The following MRPL47 variants were observed in gnomAD, a reference collection of about 807,000 sequenced individuals.
MRPL47 encodes the protein mitochondrial ribosomal protein L47.
In MRPL47, 31 loss-of-function variants were observed where a neutral mutation model predicts 34.0. The ratio of observed to expected loss-of-function variants is 0.91; its 90% CI spans 0.68 to 1.23. The LOEUF is 1.23. Among genes scored for constraint, MRPL47 ranks in the 50% most tolerant of loss-of-function variants. MRPL47 has a pLI of 0.00. For missense variants in MRPL47, 328 were observed against 285.8 expected, an observed-to-expected ratio of 1.15 and a Z score of -1.07; for synonymous variants, 106 against 101.6, an observed-to-expected ratio of 1.04 and a Z score of -0.26.
intron 6 of MRPL47, among the ~76,000 whole-genome samples, chr3:179,590,833 C>CAGATCCTGG (rs3836475): frequency 0.09 from 13,713 of 151,978 alleles, 657 homozygotes; most frequent in South Asian, 0.17. Context: ...GAAGAAAAGA[C>CAGATCCTGG]AGATCCTGGA....
At chr3:179,589,078 T>G in intron 6 of MRPL47, 83 bp from the exon 7 acceptor site, 1 of 1,353,970 alleles carries the variant, frequency 7.4e-7, no homozygotes, top group Non-Finnish European at 1.0e-6. Context: ...ATAAATCAAT[T>G]ACATCAAAGC....
At chr3:179,603,163 A>C (rs925829745) in intron 1 of MRPL47, among the ~76,000 whole-genome samples, 1 of 152,216 alleles carries the variant, frequency 6.6e-6, no homozygotes, top group East Asian at 1.9e-4. Flanking sequence ...ATAGTTACAC[A>C]ATTATATTTT....
In MRPL47 at chr3:179,588,819, G is replaced by GACTA. The variant is rs1265934412; in HGVS notation, c.*52_*53insTAGT. On this transcript the variant is annotated 3_prime_UTR_variant, in exon 7 of 7. Transcript: ENST00000476781. The stretch of plus-strand genomic sequence containing the variant: ...TAAACCACTTAACATATTTACTCCT[G>GACTA]TACACAGACTATTCAAGAAAAACAA... 2.4e-5 allele frequency: 37 copies of GACTA among 1,562,182 alleles called. 1 individual carries two copies. Among genetic ancestry groups the GACTA allele is most frequent in the Admixed American group, 1.4e-4 (8 of 55,854 alleles).
Position 179,589,499 on chromosome 3 carries a change from A to G in MRPL47, c.630-504T>C, listed in dbSNP as rs1398526907. Among the ~76,000 whole-genome samples, 3 of 152,212 alleles carry G rather than the reference A, an allele frequency of 2.0e-5. No homozygotes were observed. The East Asian group carries it at 5.8e-4, about 29-fold the overall frequency. On this transcript the variant is annotated intron_variant, in intron 6 of 6. Coordinates refer to ENST00000476781, the MANE Select transcript of MRPL47 (RefSeq NM_020409.3). ...TGACACATTTGCTGCATAAATTACA[A>G]CATAAATTACTTGACCTGTAGGGTC...
intron 2 of MRPL47, among the ~76,000 whole-genome samples, chr3:179,602,295 G>A (rs1718944064): frequency 6.6e-6 from 1 of 152,148 alleles, no homozygotes; most frequent in African/African-American, 2.4e-5. Context: ...GGTGAGCTGA[G>A]ATTGTGCCAC....
chr3:179,602,049 T>C (rs1718938974), intron 2 of MRPL47, among the ~76,000 whole-genome samples: 2 of 152,234 alleles, frequency 1.3e-5, no homozygotes, highest in Admixed American at 6.5e-5. Flanking sequence ...CAAAATACTT[T>C]GTCATTATAA....
rs749764291 is a variant in MRPL47, at chr3:179,604,605, GC to G, written c.19del (p.Ala7ProfsTer11). 1.2e-6 allele frequency: 2 copies of G among 1,614,198 alleles called. No homozygotes were observed. The highest frequency in any genetic ancestry group is 1.7e-6 in the Non-Finnish European group (2 of 1,180,042). ...GGATGAAACTCTCCTACAAAGAAGG[GC>G]CAAACCGGCCGCAGCCATGTTTTCG... MAAAGLALLCRRVSSAL... is the reference protein window; with the variant it reads MAAAGLXLLCRRVSSAL... On this transcript the variant is annotated frameshift_variant, in exon 1 of 7. Coordinates refer to ENST00000476781, the MANE Select transcript of MRPL47 (RefSeq NM_020409.3). LOFTEE classifies it high-confidence loss of function.
intron 4 of MRPL47, among the ~76,000 whole-genome samples, chr3:179,594,325 T>C (rs2108380455): frequency 6.6e-6 from 1 of 152,336 alleles, no homozygotes; most frequent in South Asian, 2.1e-4. Flanking sequence ...TGTGGCCTGC[T>C]TGGTAGCTGT....
Position 179,602,790 on chromosome 3 carries a change from G to A in MRPL47, c.106C>T (p.Leu36Phe), listed in dbSNP as rs1489532105. Residue 36 changes from leucine to phenylalanine, a missense_variant, in exon 2 of 7, where the codon CTT (leucine) becomes TTT (phenylalanine). Leu to Phe is a conservative substitution (Grantham distance 22). Transcript: ENST00000476781. The stretch of plus-strand genomic sequence containing the variant: ...GGTGTACTCTTAGGCAACAAACTAA[G>A]AAAAAACCTGCAATTGAACACACAT... ...PQVPACTGFF[L>F]SLLPKSTPNV... The A allele has an allele frequency of 6.3e-7, 1 of 1,598,918 alleles. No individual in the cohort carries two copies. Among genetic ancestry groups the A allele is most frequent in the Non-Finnish European group, 8.5e-7 (1 of 1,176,098 alleles).
At chr3:179,602,591 G>T in intron 2 of MRPL47, 61 bp downstream of exon 2, 3 of 820,890 alleles carry the variant, frequency 3.7e-6, no homozygotes, top group Non-Finnish European at 3.6e-6. Flanking sequence ...ACGATGGTTG[G>T]GCGGGGCGGG....
At chr3:179,604,299 C>A (rs931755694) in intron 1 of MRPL47, among the ~76,000 whole-genome samples, 2 of 152,194 alleles carry the variant, frequency 1.3e-5, no homozygotes, top group African/African-American at 4.8e-5. Flanking sequence ...TCTACAAACC[C>A]CATATACTGT....
At chr3:179,602,030 C>T (rs1231861144) in intron 2 of MRPL47, among the ~76,000 whole-genome samples, 1 of 152,172 alleles carries the variant, frequency 6.6e-6, no homozygotes, top group Non-Finnish European at 1.5e-5. Context: ...TATTTTCACA[C>T]CCTAATGACA....
intron 4 of MRPL47, among the ~76,000 whole-genome samples, chr3:179,595,813 T>A (rs879003389): frequency 6.6e-6 from 1 of 152,234 alleles, no homozygotes; most frequent in Admixed American, 6.5e-5. Context: ...TTCTTTTCTA[T>A]AAGTTTCTCA....
chr3:179,604,613 G>A lies in MRPL47; in HGVS notation c.12C>T (p.Ala4=), dbSNP rs770602657. The change falls in exon 1 of 7, where the codon GCC becomes GCT. Residue 4 remains alanine, a synonymous_variant. Coordinates refer to ENST00000476781, the MANE Select transcript of MRPL47 (RefSeq NM_020409.3). Reference sequence around the variant, plus strand: ...CTCTCCTACAAAGAAGGGCCAAACCGGCCGCAGCCATGTTTTCGCATAACT... The same window carrying A: ...CTCTCCTACAAAGAAGGGCCAAACCAGCCGCAGCCATGTTTTCGCATAACT... The part of the protein sequence containing the change: MAA[A]GLALLCRRVS... 25 of 1,614,052 alleles carry A rather than the reference G, an allele frequency of 1.5e-5. No individual in the cohort carries two copies. The highest frequency in any genetic ancestry group is 1.9e-5 in the Non-Finnish European group (22 of 1,180,044).
intron 6 of MRPL47, among the ~76,000 whole-genome samples, chr3:179,590,294 G>A (rs1180213659): frequency 4.6e-5 from 7 of 150,866 alleles, no homozygotes; most frequent in South Asian, 4.2e-4. Flanking sequence ...AGCCGAGATC[G>A]CACCACTGCA....
intron 5 of MRPL47, among the ~76,000 whole-genome samples, 187 bp downstream of exon 5, chr3:179,593,578 A>G (rs1446799862): frequency 1.3e-5 from 2 of 152,230 alleles, no homozygotes; most frequent in Non-Finnish European, 2.9e-5. Context: ...GTTTTACCAG[A>G]TAAAGCTACC....
At chr3:179,594,214 G>T (rs1458779424) in intron 4 of MRPL47, among the ~76,000 whole-genome samples, 10 of 152,130 alleles carry the variant, frequency 6.6e-5, no homozygotes, top group Non-Finnish European at 1.0e-4. Context: ...AACTCAATGA[G>T]CTAATAAGAA....
chr3:179,599,496 G>A (rs569087791), intron 3 of MRPL47, among the ~76,000 whole-genome samples: 51 of 152,276 alleles, frequency 3.3e-4, no homozygotes, highest in Admixed American at 7.8e-4. Context: ...CTTACTTAAC[G>A]AAGAAGCTAA....
chr3:179,597,257 G>A (rs749630847), intron 4 of MRPL47, among the ~76,000 whole-genome samples: 2 of 152,048 alleles, frequency 1.3e-5, no homozygotes, highest in Non-Finnish European at 2.9e-5. Context: ...CCATAATTAG[G>A]GTAAATCAAT....
Sources: allele counts gnomAD v4.1 joint callset (sites outside exome capture counted in the v4.1 genomes callset), GRCh38; gene constraint gnomAD v4.1.1; transcripts MANE v1.5; gene names NCBI Gene and HGNC (gene_info 2026-07-23, HGNC 2026-07-21).